Variants in USP47 observed in about 807,000 individuals in gnomAD.
USP47 encodes the protein ubiquitin carboxyl-terminal hydrolase 47.
In USP47, 35 loss-of-function variants were observed where a neutral mutation model predicts 165.1. That is an observed-to-expected ratio of 0.21 (90% CI 0.16 to 0.28). The LOEUF (loss-of-function observed/expected upper bound fraction) is 0.28. Ranked by LOEUF, USP47 falls within the 10% of genes least tolerant of loss-of-function variation. The pLI, the probability that USP47 is intolerant of heterozygous loss-of-function variation, is 1.00. For missense variants in USP47, 1,277 were observed against 1,607.4 expected, an observed-to-expected ratio of 0.79 and a Z score of 3.52; for synonymous variants, 531 against 544.5, an observed-to-expected ratio of 0.98 and a Z score of 0.35.
chr11:11,934,072 G>T, intron 16 of USP47, 137 bp downstream of exon 16: 2 of 635,756 alleles, frequency 3.1e-6, no homozygotes, highest in Admixed American at 3.2e-5. Context: ...CTCTTACCGA[G>T]TATATTTATA....
intron 20 of USP47, 133 bp downstream of exon 20, chr11:11,943,245 C>T (rs993321998): frequency 2.6e-5 from 27 of 1,046,494 alleles, no homozygotes; most frequent in African/African-American, 8.1e-5. Flanking sequence ...AGATTATTGA[C>T]GCAGTTGTAA....
Position 11,942,640 on chromosome 11 carries a change from T to G in USP47, c.2619T>G (p.Asn873Lys), listed in dbSNP as rs1469335177. 6.2e-7 allele frequency: 1 copy of G among 1,613,406 alleles called. No homozygotes were observed. Among genetic ancestry groups the G allele is most frequent in the Non-Finnish European group, 8.5e-7 (1 of 1,179,720 alleles). Residue 873 changes from asparagine to lysine, a missense_variant, in exon 20 of 28, where the codon AAT becomes AAG. By Grantham distance (94) the Asn-to-Lys change is moderately conservative. Transcript: ENST00000527733. ...TGCAGCAACAGCAGGATGGAGATAATGGGGACAGCAGCAAAAGTACTGAGA... is the reference window on the plus strand; with the variant it reads ...TGCAGCAACAGCAGGATGGAGATAAGGGGGACAGCAGCAAAAGTACTGAGA... ...LSLQQQQDGD[N>K]GDSSKSTETS...
At chr11:11,897,985 A>G (rs972144064) in intron 5 of USP47, among the ~76,000 whole-genome samples, 1 of 152,162 alleles carries the variant, frequency 6.6e-6, no homozygotes, top group Non-Finnish European at 1.5e-5. Flanking sequence ...TTATGAAGAA[A>G]TAAATAACTG....
At chr11:11,892,602 G>A (rs1336387350) in intron 4 of USP47, among the ~76,000 whole-genome samples, 1 of 150,660 alleles carries the variant, frequency 6.6e-6, no homozygotes, top group Non-Finnish European at 1.5e-5. Context: ...CTTGAGCCCG[G>A]GAGTTGGAGA....
intron 4 of USP47, among the ~76,000 whole-genome samples, chr11:11,893,772 T>C (rs7126144): frequency 0.77 from 116,197 of 151,784 alleles, 45,306 homozygotes; most frequent in African/African-American, 0.92. Context: ...AGTCTCAAAG[T>C]GATCTTCCTG....
intron 19 of USP47, among the ~76,000 whole-genome samples, chr11:11,941,198 T>C (rs570249084): frequency 1.3e-5 from 2 of 152,004 alleles, no homozygotes; most frequent in African/African-American, 2.4e-5. Flanking sequence ...ATTACTAATA[T>C]GTAATTTTTA....
intron 23 of USP47, 65 bp downstream of exon 23, chr11:11,950,069 G>C (rs1856116954): frequency 8.3e-7 from 1 of 1,203,024 alleles, no homozygotes; most frequent in Non-Finnish European, 1.2e-6. Context: ...AAATGGACTG[G>C]TATGATTTTC....
chr11:11,938,207 A>C, intron 17 of USP47, 50 bp from the exon 18 acceptor site: 1 of 1,507,858 alleles, frequency 6.6e-7, no homozygotes, highest in Non-Finnish European at 9.2e-7. Flanking sequence ...CATGTGAAAT[A>C]CATTAAAAAA....
In USP47 at chr11:11,933,090, C is replaced by T. The variant is rs776574999; in HGVS notation, c.1738C>T (p.Arg580Ter). 1.9e-6 allele frequency: 3 copies of T among 1,613,128 alleles called. No homozygotes were observed. The highest frequency in any genetic ancestry group is 2.2e-5 in the South Asian group (2 of 91,022). ...RELEEQEKRQ[R>*]EIERNTCKIK... The stretch of plus-strand genomic sequence containing the variant: ...GTTGGAAGAACAAGAAAAGAGACAA[C>T]GAGAAATTGAGCGCAATACATGCAA... The change falls in exon 15 of 28, where the codon CGA becomes TGA. Residue 580 changes from arginine to a stop codon, truncating the protein, a stop_gained. Transcript: ENST00000527733. LOFTEE classifies it high-confidence loss of function.
At chr11:11,891,638 G>C (rs1209445720) in intron 3 of USP47, among the ~76,000 whole-genome samples, 1 of 152,108 alleles carries the variant, frequency 6.6e-6, no homozygotes, top group East Asian at 1.9e-4. Context: ...TTTCTTGTCA[G>C]AGACAGTAGG....
At chr11:11,911,549 C>T (rs754619085) in intron 8 of USP47, among the ~76,000 whole-genome samples, 55 of 151,942 alleles carry the variant, frequency 3.6e-4, no homozygotes, top group Middle Eastern at 3.4e-3. Flanking sequence ...GTCAAACAAC[C>T]GAGAAGACAA....
In USP47 at chr11:11,942,756, C is replaced by T. The variant is rs764223968; in HGVS notation, c.2735C>T (p.Thr912Ile). The T allele has an allele frequency of 3.1e-6, 5 of 1,613,478 alleles. No homozygotes were observed. Among genetic ancestry groups the T allele is most frequent in the Non-Finnish European group, 4.2e-6 (5 of 1,179,744 alleles). ...DNRELEQHIQ[T>I]SDPENFQSEE... is the part of the protein sequence containing the mutation. ...AGAGAACTTGAACAGCATATTCAGACTTCTGATCCAGAAAATTTTCAGTCT... is the reference window on the plus strand; with the variant it reads ...AGAGAACTTGAACAGCATATTCAGATTTCTGATCCAGAAAATTTTCAGTCT... Residue 912 changes from threonine (T) to isoleucine (I), a missense_variant, in exon 20 of 28, where the codon ACT (threonine) becomes ATT (isoleucine). By Grantham distance (89) the Thr-to-Ile change is moderately conservative. Transcript: ENST00000527733.
intron 16 of USP47, among the ~76,000 whole-genome samples, chr11:11,934,899 A>G (rs562870567): frequency 3.3e-5 from 5 of 152,294 alleles, no homozygotes; most frequent in African/African-American, 1.2e-4. Flanking sequence ...ATTGCATACT[A>G]CATCATTTTG....
At chr11:11,955,276 G>GTA in intron 27 of USP47, 112 bp downstream of exon 27, 1 of 1,305,318 alleles carries the variant, frequency 7.7e-7, no homozygotes, top group Non-Finnish European at 1.0e-6. Flanking sequence ...GGCACTAACC[G>GTA]GTAGAAATAC....
chr11:11,914,038 C>T (rs751942782), intron 8 of USP47, among the ~76,000 whole-genome samples: 3 of 151,850 alleles, frequency 2.0e-5, no homozygotes, highest in Non-Finnish European at 4.4e-5. Flanking sequence ...CAAGCTTATT[C>T]CAAAATGTAT....
chr11:11,846,697 AG>A (rs1848447048), intron 1 of USP47, among the ~76,000 whole-genome samples: 1 of 152,166 alleles, frequency 6.6e-6, no homozygotes, highest in Admixed American at 6.5e-5. Context: ...AGAGTACATA[AG>A]ACACATTGAT....
chr11:11,868,530 A>G (rs1849830093), intron 1 of USP47, among the ~76,000 whole-genome samples: 1 of 152,102 alleles, frequency 6.6e-6, no homozygotes, highest in South Asian at 2.1e-4. Context: ...AATTTGTTTG[A>G]CCATTTAGTT....
chr11:11,860,710 G>T (rs1370035167), intron 1 of USP47, among the ~76,000 whole-genome samples: 2 of 152,128 alleles, frequency 1.3e-5, no homozygotes, highest in Admixed American at 1.3e-4. Flanking sequence ...GGAAATCTTA[G>T]CTGTAATCAA....
At chr11:11,918,277 A>T (rs746647429) in intron 8 of USP47, among the ~76,000 whole-genome samples, 5 of 152,122 alleles carry the variant, frequency 3.3e-5, no homozygotes, top group Admixed American at 6.6e-5. Context: ...TCTTCAAAAA[A>T]TATCAGTGTT....
Sources: allele counts gnomAD v4.1 joint callset (sites outside exome capture counted in the v4.1 genomes callset), GRCh38; gene constraint gnomAD v4.1.1; transcripts MANE v1.5; gene names NCBI Gene and HGNC (gene_info 2026-07-23, HGNC 2026-07-21).